Variants in IDE observed in about 807,000 individuals in gnomAD.
IDE encodes insulin degrading enzyme, also known as insulin-degrading enzyme.
A neutral mutation model predicts 133.2 loss-of-function variants in IDE; 58 were observed. That is an observed-to-expected ratio of 0.44 (90% CI 0.35 to 0.54). The LOEUF is 0.54. Among genes scored for constraint, IDE ranks in the 20% least tolerant of loss-of-function variants. IDE has a pLI of 0.00. For missense variants in IDE, 981 were observed against 1,234.0 expected (o/e 0.79, Z 3.07); for synonymous variants, 396 against 421.3 (o/e 0.94, Z 0.73).
chr10:92,542,536 C>T (rs1842357708), intron 1 of IDE, among the ~76,000 whole-genome samples: 1 of 152,174 alleles, frequency 6.6e-6, no homozygotes, highest in African/African-American at 2.4e-5. Context: ...AAGAGACTGC[C>T]GCCTTGGCCT....
chr10:92,568,606 A>G (rs1843655362), intron 1 of IDE, among the ~76,000 whole-genome samples: 1 of 152,096 alleles, frequency 6.6e-6, no homozygotes, highest in Non-Finnish European at 1.5e-5. Flanking sequence ...ACCTGAGGTC[A>G]GGGGTTTAAG....
Position 92,475,902 on chromosome 10 carries a change from A to T in IDE, c.1977T>A (p.Phe659Leu). ...MATFEIDEKRFEIIKEAYMRS... is the reference protein window; with the variant it reads ...MATFEIDEKRLEIIKEAYMRS... ...AACTTACTGCTTCTTTGATAATTTC[A>T]AATCTTTTTTCATCAATCTCAAAGG... Residue 659 changes from phenylalanine (F) to leucine (L), a missense_variant, in exon 16 of 25, where the codon TTT becomes TTA. Phe to Leu is a conservative substitution (Grantham distance 22, BLOSUM62 0). Coordinates refer to ENST00000265986, the MANE Select transcript of IDE (RefSeq NM_004969.4). 1 of 1,428,648 alleles carries T rather than the reference A, an allele frequency of 7.0e-7. No individual in the cohort carries two copies. The highest frequency in any genetic ancestry group is 1.9e-4 in the Middle Eastern group (1 of 5,332). 88.5% of individuals were successfully genotyped at this position (1,428,648 alleles called of 1,614,324 possible).
At chr10:92,505,357 T>C (rs1407960440) in intron 10 of IDE, among the ~76,000 whole-genome samples, 1 of 152,046 alleles carries the variant, frequency 6.6e-6, no homozygotes, top group Non-Finnish European at 1.5e-5. Context: ...GAAAAAAAAA[T>C]GGCTTATATT....
intron 18 of IDE, among the ~76,000 whole-genome samples, chr10:92,469,713 G>A (rs1351540950): frequency 6.6e-6 from 1 of 152,152 alleles, no homozygotes. Flanking sequence ...ACTGCACCCG[G>A]CCGAGACTGA....
At chr10:92,544,263 T>C (rs1307947004) in intron 1 of IDE, among the ~76,000 whole-genome samples, 1 of 151,912 alleles carries the variant, frequency 6.6e-6, no homozygotes, top group Non-Finnish European at 1.5e-5. Context: ...AGAATACCAT[T>C]GTACAAATCT....
rs189498691 is a variant in IDE at position 92,505,447 on chromosome 10, T to C, written c.1327-550A>G. On this transcript the variant is annotated intron_variant, in intron 10 of 24. Coordinates refer to ENST00000265986, the MANE Select transcript of IDE (RefSeq NM_004969.4). ...CAATATACTGAGACACACTGACTGA[T>C]TCATTCATCTAATAAATATTTAATG... Among the ~76,000 whole-genome samples, 560 of 152,308 alleles carry C rather than the reference T, an allele frequency of 3.7e-3. 1 individual carries two copies. The highest frequency in any genetic ancestry group is 6.9e-3 in the Non-Finnish European group (467 of 68,036).
intron 1 of IDE, among the ~76,000 whole-genome samples, chr10:92,549,948 C>G (rs1306671398): frequency 6.6e-6 from 1 of 152,086 alleles, no homozygotes; most frequent in East Asian, 1.9e-4. Flanking sequence ...GCAGGCAGAT[C>G]ACCTGAGGTC....
intron 20 of IDE, among the ~76,000 whole-genome samples, chr10:92,464,827 G>A (rs557188888): frequency 1.3e-5 from 2 of 152,190 alleles, no homozygotes; most frequent in East Asian, 1.9e-4. Flanking sequence ...GCACCACCAC[G>A]CCCAGCTAAT....
In IDE at chr10:92,527,386, G is replaced by A. The variant is rs148253574; in HGVS notation, c.661+4362C>T. ...TAAGTCTTGGTACCTGGTAGAAGTA[G>A]CTTTCCTTGTTCCTCAAAATTATCT... On this transcript the variant is annotated intron_variant, in intron 4 of 24. Transcript: ENST00000265986. 4.4e-4 allele frequency among the ~76,000 whole-genome samples: 67 copies of A among 152,104 alleles called. No homozygotes were observed. The East Asian group carries it at 9.1e-3, about 21-fold the overall frequency.
At chr10:92,510,694 CAT>C (rs1785363349) in intron 5 of IDE, among the ~76,000 whole-genome samples, 1 of 151,176 alleles carries the variant, frequency 6.6e-6, no homozygotes, top group Admixed American at 6.6e-5. Context: ...ATATCACATA[CAT>C]CTCACATATA....
At chr10:92,558,454 G>A (rs924003068) in intron 1 of IDE, among the ~76,000 whole-genome samples, 7 of 152,144 alleles carry the variant, frequency 4.6e-5, no homozygotes, top group African/African-American at 1.7e-4. Flanking sequence ...TTTTTAAAAA[G>A]ACAAATTAGA....
At chr10:92,498,242 A>G (rs1490233773) in intron 11 of IDE, among the ~76,000 whole-genome samples, 1 of 152,208 alleles carries the variant, frequency 6.6e-6, no homozygotes, top group African/African-American at 2.4e-5. Context: ...ATAAACATTG[A>G]AAGAAAAAAA....
chr10:92,507,993 G>A, intron 8 of IDE, 120 bp downstream of exon 8: 2 of 744,066 alleles, frequency 2.7e-6, no homozygotes, highest in Non-Finnish European at 4.6e-6. Flanking sequence ...CAATGGATAA[G>A]TTGTATGAAT....
intron 2 of IDE, 37 bp from the exon 3 acceptor site, chr10:92,534,822 C>A: frequency 6.7e-7 from 1 of 1,502,736 alleles, no homozygotes; most frequent in South Asian, 1.1e-5. Flanking sequence ...AATCATTGTC[C>A]TATGCTGAAA....
At chr10:92,460,337 G>A (rs963724696) in intron 22 of IDE, among the ~76,000 whole-genome samples, 22 of 152,176 alleles carry the variant, frequency 1.4e-4, no homozygotes, top group Admixed American at 1.3e-3. Flanking sequence ...GTCAGAGCTT[G>A]GAAAATAATC....
intron 22 of IDE, among the ~76,000 whole-genome samples, chr10:92,457,385 C>G (rs370701472): frequency 6.6e-6 from 1 of 152,148 alleles, no homozygotes; most frequent in Non-Finnish European, 1.5e-5. Context: ...ACTTTAGAGG[C>G]ATGGACTCTA....
At chr10:92,497,630 T>C (rs1279397628) in intron 11 of IDE, 4 of 543,176 alleles carry the variant, frequency 7.4e-6, no homozygotes, top group African/African-American at 4.1e-5. Context: ...CTGGTTGCAA[T>C]GTTAAACTTG....
At chr10:92,526,126 C>T (rs1196780022) in intron 4 of IDE, among the ~76,000 whole-genome samples, 1 of 149,426 alleles carries the variant, frequency 6.7e-6, no homozygotes. Context: ...GCACTCCAGC[C>T]TGGGAGAAAG....
intron 5 of IDE, 58 bp downstream of exon 5, chr10:92,514,862 A>G (rs1733041056): frequency 1.4e-6 from 2 of 1,450,738 alleles, no homozygotes; most frequent in Admixed American, 1.9e-5. Context: ...CACTGTGAAA[A>G]AGCCAACATT....
Sources: gnomAD v4.1 joint callset for allele counts (sites outside exome capture counted in the v4.1 genomes callset) on GRCh38, gnomAD v4.1.1 for gene constraint, MANE v1.5 for transcripts, NCBI Gene and HGNC (gene_info 2026-07-23, HGNC 2026-07-21) for gene names.